The following CTNND2 variants were observed in gnomAD, a reference collection of about 807,000 sequenced individuals.
CTNND2 encodes catenin delta-2.
CTNND2 carries 22 observed loss-of-function variants against 144.4 expected under a neutral mutation model. The observed-to-expected ratio is 0.15, with a 90% CI of 0.11 to 0.22. CTNND2 has a LOEUF of 0.22. Among genes scored for constraint, CTNND2 ranks in the 10% least tolerant of loss-of-function variants. The pLI, the probability that CTNND2 is intolerant of heterozygous loss-of-function variation, is 1.00. For synonymous variants in CTNND2, 751 were observed against 695.6 expected (o/e 1.08, Z -1.25); for missense variants, 1,353 against 1,618.8 (o/e 0.84, Z 2.82).
chr5:11,129,224 A>G (rs1271606791), intron 12 of CTNND2, among the ~76,000 whole-genome samples: 2 of 23,298 alleles, frequency 8.6e-5, no homozygotes, highest in African/African-American at 2.9e-4. Context: ...TATTATATAT[A>G]AATATATATT....
intron 1 of CTNND2, among the ~76,000 whole-genome samples, chr5:11,789,966 A>T (rs1642212584): frequency 6.6e-6 from 1 of 152,170 alleles, no homozygotes; most frequent in African/African-American, 2.4e-5. Flanking sequence ...AGATGACCAG[A>T]AAGCCTTTCT....
chr5:11,290,815 T>C (rs1436567084), intron 9 of CTNND2, among the ~76,000 whole-genome samples: 2 of 152,142 alleles, frequency 1.3e-5, no homozygotes, highest in African/African-American at 4.8e-5. Flanking sequence ...ACTCTGATGG[T>C]TTTAACATAA....
intron 2 of CTNND2, among the ~76,000 whole-genome samples, chr5:11,693,396 T>C (rs1784997680): frequency 6.6e-6 from 1 of 152,266 alleles, no homozygotes; most frequent in Non-Finnish European, 1.5e-5. Flanking sequence ...AACCCAGTTT[T>C]GGAAGATACT....
intron 1 of CTNND2, among the ~76,000 whole-genome samples, chr5:11,803,573 C>G (rs982002199): frequency 2.6e-5 from 4 of 152,148 alleles, no homozygotes; most frequent in African/African-American, 9.7e-5. Context: ...AAAAGAGTCA[C>G]TGAATGTTAA....
intron 3 of CTNND2, among the ~76,000 whole-genome samples, chr5:11,446,335 A>G (rs562852188): frequency 2.0e-5 from 3 of 152,170 alleles, no homozygotes; most frequent in Non-Finnish European, 4.4e-5. Flanking sequence ...TGATGCTAGC[A>G]ATGACTCCAG....
At position 11,667,694 on chromosome 5, in the gene CTNND2, A is replaced by C. The variant is rs548128740; in HGVS notation, c.174+64442T>G. Among the ~76,000 whole-genome samples the C allele has an allele frequency of 2.6e-5, 4 of 152,066 alleles. No homozygotes were observed. The South Asian group carries it at 8.3e-4, about 32-fold the overall frequency. On this transcript the variant is annotated intron_variant, in intron 2 of 21. Coordinates refer to ENST00000304623, the MANE Select transcript of CTNND2 (RefSeq NM_001332.4). ...TTTGTCAGATGGATGGATTGCAAAA[A>C]TTTTCTCCCATTCTGTAGATTGTCT...
chr5:11,333,470 G>T (rs1391957741), intron 9 of CTNND2, among the ~76,000 whole-genome samples: 1 of 152,034 alleles, frequency 6.6e-6, no homozygotes, highest in Non-Finnish European at 1.5e-5. Context: ...TTGCCATATT[G>T]CCCAGGTTGC....
At chr5:11,881,343 T>C (rs932550697) in intron 1 of CTNND2, among the ~76,000 whole-genome samples, 1 of 152,048 alleles carries the variant, frequency 6.6e-6, no homozygotes. Context: ...CTAACTATAG[T>C]CACCCTACTG....
intron 11 of CTNND2, among the ~76,000 whole-genome samples, chr5:11,171,578 G>A (rs754088679): frequency 6.6e-6 from 1 of 152,138 alleles, no homozygotes; most frequent in Non-Finnish European, 1.5e-5. Context: ...GTTGAGACAA[G>A]ACATTGCTAG....
intron 11 of CTNND2, among the ~76,000 whole-genome samples, chr5:11,183,312 G>A (rs971180494): frequency 6.6e-6 from 1 of 152,110 alleles, no homozygotes; most frequent in Non-Finnish European, 1.5e-5. Context: ...ATTTAACGAA[G>A]CCTTAGGAAG....
At chr5:11,127,297 T>A (rs1231958375) in intron 12 of CTNND2, among the ~76,000 whole-genome samples, 1 of 152,212 alleles carries the variant, frequency 6.6e-6, no homozygotes, top group East Asian at 1.9e-4. Flanking sequence ...CCAGGTGGAT[T>A]GCTGCAAATC....
Position 11,150,211 on chromosome 5 carries a change from C to A in CTNND2, c.2159+9365G>T, listed in dbSNP as rs1375491746. 1.5e-4 allele frequency among the ~76,000 whole-genome samples: 23 copies of A among 152,260 alleles called. No homozygotes were observed. In the East Asian group the frequency reaches 4.4e-3, roughly 29 times the overall value. On this transcript the variant is annotated intron_variant, in intron 12 of 21. Transcript: ENST00000304623. ...CTCACTCTTCCATAGCACAGCTGCA[C>A]AGGGCAATGGAAAAGAACCCAGGGA...
chr5:11,579,236 C>T (rs1350912646), intron 2 of CTNND2, among the ~76,000 whole-genome samples: 2 of 151,456 alleles, frequency 1.3e-5, no homozygotes, highest in Non-Finnish European at 2.9e-5. Flanking sequence ...TATTTGCATC[C>T]TGCTAATCAA....
At chr5:11,662,814 C>T (rs1581687521) in intron 2 of CTNND2, among the ~76,000 whole-genome samples, 1 of 152,156 alleles carries the variant, frequency 6.6e-6, no homozygotes, top group East Asian at 1.9e-4. Flanking sequence ...CCTGCCTCCC[C>T]ATCCCAAAAC....
At chr5:11,244,855 A>G (rs1173973469) in intron 9 of CTNND2, among the ~76,000 whole-genome samples, 1 of 152,218 alleles carries the variant, frequency 6.6e-6, no homozygotes, top group Non-Finnish European at 1.5e-5. Flanking sequence ...GGGGGACTAG[A>G]AGGTGCTCCA....
intron 3 of CTNND2, among the ~76,000 whole-genome samples, chr5:11,494,130 A>T (rs540518758): frequency 1.3e-5 from 2 of 152,296 alleles, no homozygotes; most frequent in Admixed American, 1.3e-4. Flanking sequence ...TGTGGTCCTT[A>T]AGAATATAGT....
chr5:11,157,692 TA>T (rs1227577791), intron 12 of CTNND2, among the ~76,000 whole-genome samples: 1 of 152,250 alleles, frequency 6.6e-6, no homozygotes, highest in African/African-American at 2.4e-5. Flanking sequence ...ACTTGCATAC[TA>T]AAATCTAAAG....
At chr5:11,699,375 A>T (rs1258380188) in intron 2 of CTNND2, among the ~76,000 whole-genome samples, 1 of 152,184 alleles carries the variant, frequency 6.6e-6, no homozygotes, top group Non-Finnish European at 1.5e-5. Flanking sequence ...TGACTAAGTC[A>T]CCTGAGGATA....
At chr5:11,858,760 T>G (rs1490265030) in intron 1 of CTNND2, among the ~76,000 whole-genome samples, 2 of 152,092 alleles carry the variant, frequency 1.3e-5, no homozygotes, top group African/African-American at 4.8e-5. Context: ...AAACTCCGTC[T>G]CTACTAAAAA....
Sources: gnomAD v4.1 joint callset for allele counts (sites outside exome capture counted in the v4.1 genomes callset) on GRCh38, gnomAD v4.1.1 for gene constraint, MANE v1.5 for transcripts, NCBI Gene and HGNC (gene_info 2026-07-23, HGNC 2026-07-21) for gene names.